Variants in UXS1 observed in about 807,000 individuals in gnomAD.
UXS1 encodes UDP-glucuronate decarboxylase 1.
Under a neutral mutation model 62.6 loss-of-function variants are expected in UXS1, and 33 were observed. The ratio of observed to expected loss-of-function variants is 0.53; its 90% CI spans 0.40 to 0.70. UXS1 has a LOEUF of 0.70. Ranked by LOEUF, UXS1 falls within the 30% of genes least tolerant of loss-of-function variation. The probability of loss-of-function intolerance (pLI) is 0.00; values close to 1 mark genes in which losing one functional copy is unlikely to be tolerated. For synonymous variants in UXS1, 213 were observed against 206.8 expected, an observed-to-expected ratio of 1.03 and a Z score of -0.26; for missense variants, 434 against 556.3, an observed-to-expected ratio of 0.78 and a Z score of 2.21.
At chr2:106,143,183 C>A (rs570934236) in intron 6 of UXS1, among the ~76,000 whole-genome samples, 41 of 150,418 alleles carry the variant, frequency 2.7e-4, no homozygotes, top group Non-Finnish European at 5.6e-4. Flanking sequence ...TCAAGGTGGG[C>A]GGATCATGAG....
intron 5 of UXS1, among the ~76,000 whole-genome samples, chr2:106,151,063 T>A (rs1040165644): frequency 6.6e-6 from 1 of 152,256 alleles, no homozygotes; most frequent in Admixed American, 6.5e-5. Flanking sequence ...ATCCCACGCC[T>A]GTTCCACCAT....
chr2:106,151,397 TATG>T (rs1682006038), intron 5 of UXS1, among the ~76,000 whole-genome samples: 1 of 152,170 alleles, frequency 6.6e-6, no homozygotes, highest in South Asian at 2.1e-4. Context: ...GTTATTGGGC[TATG>T]AGGGCCCCAC....
intron 9 of UXS1, among the ~76,000 whole-genome samples, chr2:106,118,974 T>A (rs1679297766): frequency 1.3e-5 from 2 of 152,242 alleles, no homozygotes; most frequent in South Asian, 4.1e-4. Context: ...CCAGACGTAC[T>A]ATTCCACCTG....
At chr2:106,187,623 T>C (rs1386847129) in intron 1 of UXS1, among the ~76,000 whole-genome samples, 1 of 152,178 alleles carries the variant, frequency 6.6e-6, no homozygotes, top group African/African-American at 2.4e-5. Context: ...CTTTTCTTGT[T>C]AAGTAACACT....
intron 1 of UXS1, among the ~76,000 whole-genome samples, chr2:106,177,395 C>CA (rs927602317): frequency 4.6e-5 from 7 of 151,976 alleles, no homozygotes; most frequent in Non-Finnish European, 8.8e-5. Flanking sequence ...GGGGTTTCGC[C>CA]ATGTTGGCCA....
At chr2:106,104,754 A>G (rs929420185) in intron 11 of UXS1, 40 bp downstream of exon 11, 3 of 1,613,838 alleles carry the variant, frequency 1.9e-6, no homozygotes, top group Admixed American at 3.3e-5. Flanking sequence ...CCCCTGCTCC[A>G]AAGCACTGCT....
intron 6 of UXS1, among the ~76,000 whole-genome samples, chr2:106,141,676 T>C (rs1681109240): frequency 1.3e-5 from 2 of 152,088 alleles, no homozygotes; most frequent in African/African-American, 4.8e-5. Context: ...CTGGAACTCC[T>C]AGGCTCAAGC....
chr2:106,169,119 C>T (rs1460262519), intron 1 of UXS1, among the ~76,000 whole-genome samples: 2 of 152,214 alleles, frequency 1.3e-5, no homozygotes, highest in East Asian at 1.9e-4. Context: ...TCGGACACCA[C>T]GCACTGCTGC....
intron 7 of UXS1, among the ~76,000 whole-genome samples, chr2:106,127,024 T>G (rs1229959538): frequency 1.3e-5 from 2 of 152,190 alleles, no homozygotes; most frequent in Non-Finnish European, 2.9e-5. Context: ...AATTTTTTCA[T>G]GGAGCATATT....
chr2:106,103,609 C>A (rs959981804), intron 11 of UXS1, among the ~76,000 whole-genome samples: 6 of 152,196 alleles, frequency 3.9e-5, no homozygotes, highest in African/African-American at 1.4e-4. Flanking sequence ...AAAGCGGGGG[C>A]AGCTGCCATT....
intron 4 of UXS1, among the ~76,000 whole-genome samples, chr2:106,161,700 A>G (rs1186970460): frequency 6.6e-6 from 1 of 152,236 alleles, no homozygotes; most frequent in Non-Finnish European, 1.5e-5. Context: ...CTTAGAATTT[A>G]AATTATCATT....
At chr2:106,153,463 C>T (rs1395579143) in intron 5 of UXS1, among the ~76,000 whole-genome samples, 1 of 152,162 alleles carries the variant, frequency 6.6e-6, no homozygotes, top group Admixed American at 6.5e-5. Flanking sequence ...ACAGTTAAAG[C>T]TTCACACTGG....
chr2:106,138,070 G>C (rs1324211246), intron 6 of UXS1: 1 of 595,874 alleles, frequency 1.7e-6, no homozygotes, highest in Non-Finnish European at 2.1e-6. Context: ...AGGTATGCAG[G>C]GAAAGACAGG....
intron 5 of UXS1, among the ~76,000 whole-genome samples, chr2:106,155,767 A>C (rs1682373193): frequency 6.6e-6 from 1 of 152,200 alleles, no homozygotes; most frequent in Non-Finnish European, 1.5e-5. Context: ...CTGTACATTT[A>C]CGGTAAAATT....
intron 10 of UXS1, among the ~76,000 whole-genome samples, chr2:106,110,223 C>T (rs184841254): frequency 3.9e-5 from 6 of 152,296 alleles, no homozygotes; most frequent in African/African-American, 1.4e-4. Flanking sequence ...GACTGAAGCC[C>T]ACCACGTTCT....
At chr2:106,182,630 G>A (rs1364733759) in intron 1 of UXS1, among the ~76,000 whole-genome samples, 4 of 152,164 alleles carry the variant, frequency 2.6e-5, no homozygotes, top group Non-Finnish European at 4.4e-5. Context: ...CCACGGGCAT[G>A]ATCCTCAGCC....
At chr2:106,095,245 A>G (rs1676982001) in intron 14 of UXS1, among the ~76,000 whole-genome samples, 1 of 152,240 alleles carries the variant, frequency 6.6e-6, no homozygotes, top group South Asian at 2.1e-4. Flanking sequence ...CTCTCCTTAC[A>G]AAGGGACCAA....
Position 106,164,748 on chromosome 2 carries a change from G to A in UXS1, c.174C>T (p.Ser58=). ...AAAAAAGACTAACCTCTTCAATCTT[G>A]CTTTCAATTTTTAGTTCACCATTTT... The part of the protein sequence containing the change: ...IQENGELKIE[S]KIEEMVEPLR... Residue 58 remains serine, a synonymous_variant, in exon 3 of 15, where the codon AGC becomes AGT. Coordinates refer to ENST00000283148, the MANE Select transcript of UXS1 (RefSeq NM_001253875.2). The A allele has an allele frequency of 1.3e-6, 2 of 1,584,564 alleles. No individual in the cohort carries two copies. The highest frequency in any genetic ancestry group is 1.7e-6 in the Non-Finnish European group (2 of 1,164,068).
At chr2:106,100,918 C>T in intron 12 of UXS1, 140 bp downstream of exon 12, 4 of 1,044,808 alleles carry the variant, frequency 3.8e-6, no homozygotes, top group South Asian at 2.9e-5. Context: ...TTTGTTTTTC[C>T]TCTAGTATTT....
Sources: gnomAD v4.1 joint callset for allele counts (sites outside exome capture counted in the v4.1 genomes callset) on GRCh38, gnomAD v4.1.1 for gene constraint, MANE v1.5 for transcripts, NCBI Gene and HGNC (gene_info 2026-07-23, HGNC 2026-07-21) for gene names.